MBTD1: variants seen among roughly 807,000 people sequenced by gnomAD.
The protein encoded by MBTD1 is MBT domain-containing protein 1.
A neutral mutation model predicts 87.8 loss-of-function variants in MBTD1; 24 were observed. The observed-to-expected ratio is 0.27, with a 90% CI of 0.20 to 0.38. MBTD1 has a LOEUF of 0.38. MBTD1 is among the 10% of genes least tolerant of loss of function. The pLI is 1.00. For missense variants in MBTD1, 436 were observed against 760.2 expected (o/e 0.57, Z 5.02); for synonymous variants, 237 against 248.6 (o/e 0.95, Z 0.44).
Position 51,178,972 on chromosome 17 carries a change from A to G in MBTD1, c.*1604T>C, listed in dbSNP as rs1257427310. 6.6e-6 allele frequency: 1 copy of G among 152,182 alleles called. No individual in the cohort carries two copies. Among genetic ancestry groups the G allele is most frequent in the Non-Finnish European group, 1.5e-5 (1 of 68,028 alleles). 9.4% of individuals were successfully genotyped at this position (152,182 alleles called of 1,614,324 possible). A position where few individuals can be genotyped will look rare whatever the true frequency, so the allele number is the denominator to read the frequency against. On this transcript the variant is annotated 3_prime_UTR_variant, in exon 17 of 17. Coordinates refer to ENST00000586178, the MANE Select transcript of MBTD1 (RefSeq NM_017643.3). ...TAAACCTGTGCGTATTACCAATGCT[A>G]TTATTCCCAAAAGTAGAGCAATATT...
intron 16 of MBTD1, chr17:51,191,564 A>T (rs1297843734): frequency 6.6e-6 from 1 of 151,084 alleles, no homozygotes; most frequent in Non-Finnish European, 1.5e-5. Context: ...CATCTACTGT[A>T]AGCATCAAGC....
intron 1 of MBTD1, 47 bp downstream of exon 1, chr17:51,259,788 G>A: frequency 8.1e-7 from 1 of 1,232,496 alleles, no homozygotes. Context: ...AGCTGCAGGC[G>A]TCCCCCCCAC....
At chr17:51,197,724 G>C (rs1225539956) in intron 12 of MBTD1, among the ~76,000 whole-genome samples, 1 of 151,878 alleles carries the variant, frequency 6.6e-6, no homozygotes, top group African/African-American at 2.4e-5. Context: ...TCAAACTCTG[G>C]GGGCCAAGGT....
At chr17:51,260,114 A>G (rs1257882820), upstream of MBTD1, 2 of 374,102 alleles carry the variant, frequency 5.3e-6, no homozygotes, top group Non-Finnish European at 4.7e-6. Flanking sequence ...CCACTTCCCT[A>G]CATACCCTCC....
chr17:51,233,717 T>C (rs1480557412), intron 2 of MBTD1, among the ~76,000 whole-genome samples: 1 of 152,036 alleles, frequency 6.6e-6, no homozygotes, highest in African/African-American at 2.4e-5. Flanking sequence ...CATCCATATT[T>C]AAAGAGACCA....
At chr17:51,225,242 A>C (rs1236868951) in intron 2 of MBTD1, 33 bp from the exon 3 acceptor site, 1 of 1,312,732 alleles carries the variant, frequency 7.6e-7, no homozygotes, top group African/African-American at 1.5e-5. Flanking sequence ...GACACATGAC[A>C]CAACACTCAT....
At chr17:51,209,524 C>T (rs1200276130) in intron 6 of MBTD1, 2 of 469,110 alleles carry the variant, frequency 4.3e-6, no homozygotes, top group Non-Finnish European at 8.8e-6. Flanking sequence ...CTCCACATGA[C>T]TGTAAGAAAA....
intron 16 of MBTD1, among the ~76,000 whole-genome samples, chr17:51,191,277 T>TC (rs1190597697): frequency 7.3e-6 from 1 of 136,320 alleles, no homozygotes; most frequent in African/African-American, 2.6e-5. Context: ...TTTTTTTTTT[T>TC]CGAGATGGAG....
chr17:51,247,762 T>C (rs369420531), intron 2 of MBTD1, among the ~76,000 whole-genome samples: 1 of 152,222 alleles, frequency 6.6e-6, no homozygotes, highest in East Asian at 1.9e-4. Context: ...GTATTACTCT[T>C]ACGTCACAAA....
chr17:51,255,595 T>C (rs1233100675), intron 2 of MBTD1, among the ~76,000 whole-genome samples: 3 of 151,134 alleles, frequency 2.0e-5, no homozygotes, highest in African/African-American at 7.4e-5. Context: ...AACCTTTTTT[T>C]TTTCCTTTTT....
intron 6 of MBTD1, among the ~76,000 whole-genome samples, chr17:51,207,501 A>C (rs1307613847): frequency 2.0e-5 from 3 of 152,354 alleles, no homozygotes; most frequent in East Asian, 1.9e-4. Context: ...TCTAGTCCAC[A>C]TAGATGGACG....
intron 2 of MBTD1, 83 bp from the exon 3 acceptor site, chr17:51,225,292 T>G (rs1280669198): frequency 1.6e-6 from 1 of 608,810 alleles, no homozygotes; most frequent in Non-Finnish European, 2.5e-6. Context: ...TTCTGGTAAA[T>G]GAGATTTGAT....
chr17:51,215,927 A>ATT (rs35988235), intron 6 of MBTD1, among the ~76,000 whole-genome samples: 5,682 of 114,084 alleles, frequency 0.05, 249 homozygotes, highest in Non-Finnish European at 0.065. Flanking sequence ...TAAAGCCCTA[A>ATT]TTTTTTTTTT....
intron 6 of MBTD1, among the ~76,000 whole-genome samples, chr17:51,211,150 A>G (rs553216072): frequency 8.2e-4 from 29 of 35,346 alleles, no homozygotes; most frequent in African/African-American, 2.0e-3. Flanking sequence ...AAAAAAAAAG[A>G]AAAAAAAAAA....
chr17:51,212,088 G>A (rs1328443989), intron 6 of MBTD1, among the ~76,000 whole-genome samples: 4 of 152,126 alleles, frequency 2.6e-5, no homozygotes, highest in African/African-American at 4.8e-5. Context: ...GGCCAGGCGC[G>A]GTGGCTCACA....
rs57075455 is a variant in MBTD1, at chr17:51,225,526, G to GTTT, written c.-48-320_-48-318dup. Among the ~76,000 whole-genome samples the GTTT allele has an allele frequency of 4.9e-4, 70 of 143,538 alleles. 1 individual carries two copies. Among genetic ancestry groups the GTTT allele is most frequent in the African/African-American group, 1.6e-3 (63 of 39,248 alleles). 94.2% of individuals were successfully genotyped at this position (143,538 alleles called of 152,430 possible). A position where few individuals can be genotyped will look rare whatever the true frequency, so the allele number is the denominator to read the frequency against. ...GCCACCATCCCATAAACATTTTTGT[G>GTTT]TTTTTTTTTTTGTAGAGATGGGGTT... On this transcript the variant is annotated intron_variant, in intron 2 of 16. Coordinates refer to ENST00000586178, the MANE Select transcript of MBTD1 (RefSeq NM_017643.3).
chr17:51,217,493 G>A, intron 5 of MBTD1, 77 bp from the exon 6 acceptor site: 1 of 665,340 alleles, frequency 1.5e-6, no homozygotes, highest in Non-Finnish European at 2.5e-6. Context: ...GTTAAAATGT[G>A]TGAAAGGACA....
chr17:51,259,391 C>A (rs2055309294), intron 1 of MBTD1, among the ~76,000 whole-genome samples, 185 bp from the exon 2 acceptor site: 1 of 152,128 alleles, frequency 6.6e-6, no homozygotes, highest in Non-Finnish European at 1.5e-5. Context: ...CGCCTCGCGG[C>A]ACTGCCCCCA....
At chr17:51,243,413 A>G (rs540235306) in intron 2 of MBTD1, among the ~76,000 whole-genome samples, 1 of 152,224 alleles carries the variant, frequency 6.6e-6, no homozygotes, top group African/African-American at 2.4e-5. Flanking sequence ...ATTTTGCCCC[A>G]TATTTTTCTT....
Sources: allele counts gnomAD v4.1 joint callset (sites outside exome capture counted in the v4.1 genomes callset), GRCh38; gene constraint gnomAD v4.1.1; transcripts MANE v1.5; gene names NCBI Gene and HGNC (gene_info 2026-07-23, HGNC 2026-07-21).